BCAS1: variants seen among roughly 807,000 people sequenced by gnomAD.
The protein encoded by BCAS1 is brain enriched myelin associated protein 1, also known as breast carcinoma-amplified sequence 1.
In BCAS1, 46 loss-of-function variants were observed where a neutral mutation model predicts 65.4. That is an observed-to-expected ratio of 0.70 (90% CI 0.55 to 0.90). The LOEUF (loss-of-function observed/expected upper bound fraction) is 0.90. BCAS1 is among the 40% of genes least tolerant of loss of function. The pLI, the probability that BCAS1 is intolerant of heterozygous loss-of-function variation, is 0.00. For synonymous variants in BCAS1, 298 were observed against 293.5 expected (o/e 1.02, Z -0.16); for missense variants, 793 against 771.2 (o/e 1.03, Z -0.33).
chr20:53,963,248 G>A (rs1212891522), intron 10 of BCAS1, among the ~76,000 whole-genome samples: 5 of 151,912 alleles, frequency 3.3e-5, no homozygotes, highest in Non-Finnish European at 5.9e-5. Flanking sequence ...TTGGGAGTCC[G>A]AGGCGGGTGG....
At chr20:54,068,747 G>A (rs1259189181) in intron 1 of BCAS1, among the ~76,000 whole-genome samples, 1 of 152,128 alleles carries the variant, frequency 6.6e-6, no homozygotes, top group Non-Finnish European at 1.5e-5. Context: ...CGTGACTCAG[G>A]CACTCAAATC....
chr20:54,036,683 C>T, intron 3 of BCAS1, among the ~76,000 whole-genome samples: 1 of 151,202 alleles, frequency 6.6e-6, no homozygotes, highest in East Asian at 1.9e-4. Flanking sequence ...ACAGTGCTTA[C>T]CACAGGCTGG....
At chr20:53,993,581 T>C (rs1031456526) in intron 6 of BCAS1, among the ~76,000 whole-genome samples, 1 of 152,152 alleles carries the variant, frequency 6.6e-6, no homozygotes, top group Non-Finnish European at 1.5e-5. Context: ...GGAGGAGTCT[T>C]GGTCCATGAC....
chr20:53,984,633 G>A (rs1399491856), intron 8 of BCAS1, among the ~76,000 whole-genome samples: 6 of 152,208 alleles, frequency 3.9e-5, no homozygotes. Flanking sequence ...ACAGACAAAA[G>A]CTCTGCACAT....
At chr20:54,051,496 A>G (rs1250875410) in intron 3 of BCAS1, among the ~76,000 whole-genome samples, 2 of 152,126 alleles carry the variant, frequency 1.3e-5, no homozygotes. Context: ...ATGGGCTGAC[A>G]AAATAGCTAA....
chr20:53,986,223 CTG>C (rs1395220728), intron 7 of BCAS1, among the ~76,000 whole-genome samples: 2 of 152,164 alleles, frequency 1.3e-5, no homozygotes, highest in Admixed American at 6.5e-5. Context: ...CTCCTTCCCT[CTG>C]TCTTTTTCTC....
Position 54,058,636 on chromosome 20 carries a change from T to G in BCAS1, c.72+11A>C, listed in dbSNP as rs1484458607. The G allele has an allele frequency of 3.8e-6, 6 of 1,585,736 alleles. No homozygotes were observed. Among genetic ancestry groups the G allele is most frequent in the South Asian group, 1.1e-5 (1 of 88,918 alleles). On this transcript the variant is annotated intron_variant, in intron 2 of 12. Coordinates refer to ENST00000688948, the MANE Select transcript of BCAS1 (RefSeq NM_001366298.2). ...TTTCTGCTGATGCCCCTGTAATGGT[T>G]ACTACACTACCTGGTAAGTCTCTGC...
At chr20:54,070,018 A>G (rs1274011105) in intron 1 of BCAS1, among the ~76,000 whole-genome samples, 1 of 152,140 alleles carries the variant, frequency 6.6e-6, no homozygotes, top group Non-Finnish European at 1.5e-5. Context: ...CCACTTCTTT[A>G]GGCAATGCCT....
chr20:54,034,052 T>C (rs1188750369), intron 3 of BCAS1, among the ~76,000 whole-genome samples: 3 of 151,590 alleles, frequency 2.0e-5, no homozygotes, highest in Non-Finnish European at 3.0e-5. Context: ...TCTCAACAGA[T>C]GCAGAAAAGG....
At position 54,028,388 on chromosome 20, in the gene BCAS1, T is replaced by G; in HGVS notation, c.723+4A>C. On this transcript the variant is annotated splice_donor_region_variant and intron_variant, in intron 4 of 12. Coordinates refer to ENST00000688948, the MANE Select transcript of BCAS1 (RefSeq NM_001366298.2). ...ACCAAGTGGATACACCTTGGCACAC[T>G]TACCTTCCCTGCAGGGACATCATCG... is the stretch of plus-strand genomic sequence containing the variant. The G allele has an allele frequency of 6.2e-7, 1 of 1,614,154 alleles. No homozygotes were observed. Among genetic ancestry groups the G allele is most frequent in the Non-Finnish European group, 8.5e-7 (1 of 1,180,006 alleles).
chr20:53,955,173 C>T (rs1351699738), intron 11 of BCAS1, among the ~76,000 whole-genome samples: 2 of 152,124 alleles, frequency 1.3e-5, no homozygotes, highest in Non-Finnish European at 2.9e-5. Context: ...CATGCACGCC[C>T]CTTAGAAGTA....
intron 4 of BCAS1, among the ~76,000 whole-genome samples, chr20:53,996,681 C>T (rs1007853745): frequency 2.0e-5 from 3 of 152,084 alleles, no homozygotes; most frequent in Admixed American, 6.5e-5. Context: ...ACTGCCTCTC[C>T]ACCTTCTGAC....
chr20:53,966,617 C>A (rs1485023049), intron 10 of BCAS1, among the ~76,000 whole-genome samples: 1 of 152,028 alleles, frequency 6.6e-6, no homozygotes, highest in Non-Finnish European at 1.5e-5. Flanking sequence ...TGTATGCTCA[C>A]AACTATTGAA....
chr20:54,042,344 C>T (rs290389), intron 3 of BCAS1, among the ~76,000 whole-genome samples: 2,881 of 152,174 alleles, frequency 0.019, 59 homozygotes, highest in East Asian at 0.084. Flanking sequence ...ACCCCCATGA[C>T]ATGAGTTTAC....
At chr20:53,962,228 T>C (rs908745705) in intron 10 of BCAS1, among the ~76,000 whole-genome samples, 2 of 152,234 alleles carry the variant, frequency 1.3e-5, no homozygotes, top group Non-Finnish European at 2.9e-5. Flanking sequence ...CCTCCAATAG[T>C]ACATTTCAAC....
intron 3 of BCAS1, among the ~76,000 whole-genome samples, chr20:54,051,136 T>C (rs1434692282): frequency 6.6e-6 from 1 of 152,190 alleles, no homozygotes. Context: ...TCCGTGGTAA[T>C]GTTTCACTAA....
At chr20:54,057,469 T>C (rs984981969) in intron 3 of BCAS1, among the ~76,000 whole-genome samples, 1 of 152,228 alleles carries the variant, frequency 6.6e-6, no homozygotes, top group African/African-American at 2.4e-5. Flanking sequence ...AGGGCAGAGA[T>C]TGCAACCTAG....
At chr20:53,946,080 CTAT>C (rs371034176) in intron 12 of BCAS1, among the ~76,000 whole-genome samples, 347 of 151,830 alleles carry the variant, frequency 2.3e-3, no homozygotes, top group African/African-American at 8.2e-3. Flanking sequence ...AGCCTGAGTA[CTAT>C]TATTATTATT....
chr20:53,996,613 G>A (rs567082254), intron 4 of BCAS1, among the ~76,000 whole-genome samples: 31 of 152,114 alleles, frequency 2.0e-4, no homozygotes, highest in Non-Finnish European at 2.5e-4. Flanking sequence ...GGTAGGATGC[G>A]TTCTGAATCT....
Sources: allele counts gnomAD v4.1 joint callset (sites outside exome capture counted in the v4.1 genomes callset), GRCh38; gene constraint gnomAD v4.1.1; transcripts MANE v1.5; gene names NCBI Gene and HGNC (gene_info 2026-07-23, HGNC 2026-07-21).